Variants in CRB1 observed in about 807,000 individuals in gnomAD.
The protein encoded by CRB1 is protein crumbs homolog 1.
In CRB1, 83 loss-of-function variants were observed where a neutral mutation model predicts 120.0. That is an observed-to-expected ratio of 0.69 (90% CI 0.58 to 0.83). The LOEUF (loss-of-function observed/expected upper bound fraction) is 0.83, where lower values mean the gene tolerates loss of function less well. Among genes scored for constraint, CRB1 ranks in the 40% least tolerant of loss-of-function variants. CRB1 has a pLI of 0.00. For missense variants in CRB1, 1,699 were observed against 1,687.6 expected (o/e 1.01, Z -0.12); for synonymous variants, 625 against 612.5 (o/e 1.02, Z -0.30).
chr1:197,256,607 CTACGT>C, the CRB1 span, among the ~76,000 whole-genome samples: 2 of 151,912 alleles, frequency 1.3e-5, no homozygotes, highest in Non-Finnish European at 2.9e-5. Context: ...TGGAGTAAAG[CTACGT>C]GGCATGAAAT....
intron 11 of CRB1, among the ~76,000 whole-genome samples, chr1:197,464,128 G>A (rs141366645): frequency 1.6e-3 from 249 of 152,258 alleles, no homozygotes; most frequent in African/African-American, 5.7e-3. Context: ...ACTCTTTCTC[G>A]CTTGTCAAAG....
chr1:197,239,032 T>C, the CRB1 span, among the ~76,000 whole-genome samples: 28 of 103,478 alleles, frequency 2.7e-4, no homozygotes, highest in Non-Finnish European at 6.2e-4. Flanking sequence ...CATCTCTTAC[T>C]TACTCTTCAG....
intron 11 of CRB1, chr1:197,447,426 C>T (rs1439829233): frequency 2.0e-5 from 3 of 152,304 alleles, no homozygotes; most frequent in African/African-American, 4.8e-5. Context: ...TACTTCTCCT[C>T]ACCTTTGTCA....
chr1:197,286,985 C>T (rs1655867126), intron 1 of CRB1, among the ~76,000 whole-genome samples: 1 of 151,814 alleles, frequency 6.6e-6, no homozygotes, highest in Non-Finnish European at 1.5e-5. Flanking sequence ...AAGTTCATAA[C>T]AGAAGTTCTC....
intron 1 of CRB1, among the ~76,000 whole-genome samples, chr1:197,282,644 A>C (rs1378036911): frequency 6.6e-6 from 1 of 151,882 alleles, no homozygotes; most frequent in Non-Finnish European, 1.5e-5. Flanking sequence ...TATTTCCTGC[A>C]GTCTCTTAAG....
intron 5 of CRB1, among the ~76,000 whole-genome samples, chr1:197,416,996 CG>C (rs1348838405): frequency 2.0e-5 from 3 of 152,168 alleles, no homozygotes; most frequent in Admixed American, 1.3e-4. Context: ...TGTGAGCCAC[CG>C]TGCCTGGCCA....
intron 5 of CRB1, among the ~76,000 whole-genome samples, chr1:197,415,156 G>A (rs1663912318): frequency 1.3e-5 from 2 of 152,110 alleles, no homozygotes; most frequent in Admixed American, 6.5e-5. Context: ...TAGAAAGCAT[G>A]ACCATCTGCA....
chr1:197,231,612 T>C, the CRB1 span, among the ~76,000 whole-genome samples: 4 of 152,144 alleles, frequency 2.6e-5, no homozygotes, highest in African/African-American at 9.7e-5. Context: ...ATAAGCGATG[T>C]AGAAAATGCT....
intron 11 of CRB1, among the ~76,000 whole-genome samples, chr1:197,473,164 A>G (rs926214131): frequency 6.6e-6 from 1 of 152,180 alleles, no homozygotes; most frequent in African/African-American, 2.4e-5. Flanking sequence ...GAAGTGGGAA[A>G]ACAGTATATG....
the CRB1 span, among the ~76,000 whole-genome samples, chr1:197,230,380 TTAA>T: frequency 6.6e-6 from 1 of 152,218 alleles, no homozygotes; most frequent in Admixed American, 6.5e-5. Flanking sequence ...ATGCGTTGCA[TTAA>T]TAAGATTTTT....
intron 1 of CRB1, among the ~76,000 whole-genome samples, chr1:197,303,920 C>G (rs141197146): frequency 3.3e-5 from 5 of 151,894 alleles, no homozygotes; most frequent in Non-Finnish European, 7.4e-5. Flanking sequence ...CCCAGGAGTT[C>G]GAGGTTGTAA....
At chr1:197,310,371 T>C (rs961890462) in intron 1 of CRB1, among the ~76,000 whole-genome samples, 22 of 152,256 alleles carry the variant, frequency 1.4e-4, no homozygotes, top group African/African-American at 5.1e-4. Flanking sequence ...ATGCAGAATG[T>C]TGTGGCACCT....
intron 4 of CRB1, among the ~76,000 whole-genome samples, chr1:197,354,856 GCC>G (rs1660370899): frequency 0.34 from 3,055 of 8,986 alleles, 552 homozygotes; most frequent in Middle Eastern, 0.6. Flanking sequence ...CCCCCCCCCC[GCC>G]CACCCACCCA....
chr1:197,295,443 A>G (rs1656463439), intron 1 of CRB1, among the ~76,000 whole-genome samples: 1 of 152,070 alleles, frequency 6.6e-6, no homozygotes, highest in Non-Finnish European at 1.5e-5. Flanking sequence ...TTGAACTTGA[A>G]GAAGTAACTT....
At chr1:197,468,073 C>A (rs1369434471) in intron 11 of CRB1, among the ~76,000 whole-genome samples, 1 of 152,098 alleles carries the variant, frequency 6.6e-6, no homozygotes, top group Non-Finnish European at 1.5e-5. Flanking sequence ...CCCAGGCATG[C>A]AGGAAATATC....
At chr1:197,395,755 C>T (rs1662739389) in intron 5 of CRB1, among the ~76,000 whole-genome samples, 1 of 152,080 alleles carries the variant, frequency 6.6e-6, no homozygotes, top group Non-Finnish European at 1.5e-5. Context: ...TCTATGTGAT[C>T]ATCTCCATAG....
At chr1:197,273,175 C>T (rs1392903605) in intron 1 of CRB1, among the ~76,000 whole-genome samples, 2 of 151,944 alleles carry the variant, frequency 1.3e-5, no homozygotes, top group East Asian at 3.9e-4. Flanking sequence ...TTTTGATGAC[C>T]TTGAAGGTTT....
chr1:197,254,900 A>AT, the CRB1 span, among the ~76,000 whole-genome samples: 2 of 152,078 alleles, frequency 1.3e-5, no homozygotes, highest in Non-Finnish European at 2.9e-5. Context: ...GAAGTCAGTG[A>AT]TTTTGTGATG....
At chr1:197,338,937 A>G (rs181981965) in intron 2 of CRB1, among the ~76,000 whole-genome samples, 2 of 152,336 alleles carry the variant, frequency 1.3e-5, no homozygotes, top group East Asian at 3.9e-4. Flanking sequence ...TGTAAAGTGC[A>G]TCTCGGTTCT....
Sources: allele counts gnomAD v4.1 joint callset (sites outside exome capture counted in the v4.1 genomes callset), GRCh38; gene constraint gnomAD v4.1.1; transcripts MANE v1.5; gene names NCBI Gene and HGNC (gene_info 2026-07-23, HGNC 2026-07-21).